The following NCKAP1 variants were observed in gnomAD, a reference collection of about 807,000 sequenced individuals.
NCKAP1 encodes the protein NCK associated protein 1, also known as nck-associated protein 1.
NCKAP1 carries 21 observed loss-of-function variants against 151.2 expected under a neutral mutation model. That is an observed-to-expected ratio of 0.14 (90% CI 0.10 to 0.20). NCKAP1 has a LOEUF of 0.20. NCKAP1 is among the 10% of genes least tolerant of loss of function. The pLI, the probability that NCKAP1 is intolerant of heterozygous loss-of-function variation, is 1.00. For missense variants in NCKAP1, 933 were observed against 1,352.1 expected, an observed-to-expected ratio of 0.69 and a Z score of 4.86; for synonymous variants, 484 against 451.8, an observed-to-expected ratio of 1.07 and a Z score of -0.90.
chr2:183,009,539 T>C (rs1300112586), intron 2 of NCKAP1, among the ~76,000 whole-genome samples: 1 of 152,126 alleles, frequency 6.6e-6, no homozygotes, highest in Non-Finnish European at 1.5e-5. Context: ...TAGTAAAATA[T>C]GCATTACTGA....
intron 2 of NCKAP1, chr2:183,022,981 T>C (rs1698823390): frequency 6.6e-6 from 1 of 152,154 alleles, no homozygotes; most frequent in Non-Finnish European, 1.5e-5. Flanking sequence ...TGACGATATA[T>C]CTTTTCAACA....
chr2:182,970,151 G>A (rs1697657352), intron 15 of NCKAP1, among the ~76,000 whole-genome samples: 1 of 152,292 alleles, frequency 6.6e-6, no homozygotes, highest in South Asian at 2.1e-4. Context: ...CCTGGGACCT[G>A]ATGGTTTCAC....
At position 183,002,212 on chromosome 2, in the gene NCKAP1, G is replaced by A. The variant is rs747119076; in HGVS notation, c.427C>T (p.Leu143=). The change falls in exon 5 of 31, where the codon CTA becomes TTA. Residue 143 remains leucine, a synonymous_variant. Coordinates refer to ENST00000361354, the MANE Select transcript of NCKAP1 (RefSeq NM_013436.5). ...TCAATTCGAGACAGCAGTATCATTA[G>A]TGTTGTATAGGTTATAATTAAATCT... is the stretch of plus-strand genomic sequence containing the variant. ...YLDLIITYTT[L]MILLSRIEER... is the part of the protein sequence containing the mutation. The A allele has an allele frequency of 5.7e-6, 9 of 1,574,700 alleles. No individual in the cohort carries two copies. Among genetic ancestry groups the A allele is most frequent in the Non-Finnish European group, 7.9e-6 (9 of 1,144,600 alleles).
rs1320753839 is a variant in NCKAP1 at position 182,975,607 on chromosome 2, AT to A, written c.1482+1285del. 2.6e-5 allele frequency among the ~76,000 whole-genome samples: 4 copies of A among 152,246 alleles called. No individual in the cohort carries two copies. In the East Asian group the frequency reaches 7.7e-4, roughly 29 times the overall value. The stretch of plus-strand genomic sequence containing the variant: ...AAACAAATAGAAATTTTATTTATTT[AT>A]TTTTAACAGCAAAACAGGCCAGGCA... On this transcript the variant is annotated intron_variant, in intron 15 of 30. Transcript: ENST00000361354.
At chr2:183,004,499 A>G (rs1465277228) in intron 2 of NCKAP1, among the ~76,000 whole-genome samples, 1 of 151,572 alleles carries the variant, frequency 6.6e-6, no homozygotes, top group Non-Finnish European at 1.5e-5. Flanking sequence ...AAAAAAAAAA[A>G]AAAAAAAACA....
At position 183,023,934 on chromosome 2, in the gene NCKAP1, T is replaced by C. The variant is rs1553518597; in HGVS notation, c.109-18A>G. On this transcript the variant is annotated intron_variant, in intron 1 of 30. Transcript: ENST00000361354. Reference sequence around the variant, plus strand: ...CCACATGCCTATAAAACAACAGTAATAAAAAAAAGTGAAATGCACCCTTCT... The same window carrying C: ...CCACATGCCTATAAAACAACAGTAACAAAAAAAAGTGAAATGCACCCTTCT... 5 of 1,514,144 alleles carry C rather than the reference T, an allele frequency of 3.3e-6. No individual in the cohort carries two copies. The East Asian group carries it at 6.9e-5, about 21-fold the overall frequency. 93.8% of individuals were successfully genotyped at this position (1,514,144 alleles called of 1,614,324 possible). A position where few individuals can be genotyped will look rare whatever the true frequency, so the allele number is the denominator to read the frequency against.
At chr2:183,035,827 AGAG>A (rs1295670814) in intron 1 of NCKAP1, among the ~76,000 whole-genome samples, 1 of 152,176 alleles carries the variant, frequency 6.6e-6, no homozygotes, top group Non-Finnish European at 1.5e-5. Flanking sequence ...GTTTTGAGAG[AGAG>A]GAGGGAAGTA....
At chr2:182,971,877 T>C (rs1408718711) in intron 15 of NCKAP1, among the ~76,000 whole-genome samples, 1 of 152,100 alleles carries the variant, frequency 6.6e-6, no homozygotes, top group Non-Finnish European at 1.5e-5. Context: ...GGAATGAAAC[T>C]AGACCTCTAT....
At chr2:183,026,454 C>G (rs111925117) in intron 1 of NCKAP1, among the ~76,000 whole-genome samples, 1 of 144,146 alleles carries the variant, frequency 6.9e-6, no homozygotes, top group Non-Finnish European at 1.5e-5. Context: ...GCCTGAGCCA[C>G]AGAGTGAAGC....
chr2:182,969,576 A>T (rs1697644430), intron 15 of NCKAP1, among the ~76,000 whole-genome samples: 1 of 152,090 alleles, frequency 6.6e-6, no homozygotes, highest in South Asian at 2.1e-4. Context: ...GAAATTAAGG[A>T]AATAAAACAT....
chr2:182,991,581 T>C (rs940031609), intron 8 of NCKAP1, among the ~76,000 whole-genome samples: 2 of 151,000 alleles, frequency 1.3e-5, no homozygotes, highest in Non-Finnish European at 3.0e-5. Context: ...TAAAATAAAA[T>C]AGATTGCCCA....
chr2:182,984,457 A>G (rs1398075330), intron 10 of NCKAP1, among the ~76,000 whole-genome samples: 1 of 133,148 alleles, frequency 7.5e-6, no homozygotes, highest in Non-Finnish European at 1.8e-5. Flanking sequence ...TGTGTTGCCT[A>G]TGCCAAAAAC....
intron 23 of NCKAP1, among the ~76,000 whole-genome samples, chr2:182,945,422 C>A (rs1026798343): frequency 1.3e-5 from 2 of 151,556 alleles, no homozygotes; most frequent in Non-Finnish European, 2.9e-5. Context: ...GAAAAAAAAA[C>A]CAGCAAAGAA....
intron 8 of NCKAP1, 103 bp downstream of exon 8, chr2:182,994,736 T>C: frequency 1.1e-6 from 1 of 899,744 alleles, no homozygotes; most frequent in Non-Finnish European, 1.8e-6. Flanking sequence ...CATAGATGGG[T>C]TAGCACAATG....
rs552655359 is a variant in NCKAP1 at position 183,020,368 on chromosome 2, G to T, written c.219+3438C>A. Among the ~76,000 whole-genome samples, 29 of 151,332 alleles carry T rather than the reference G, an allele frequency of 1.9e-4. No individual in the cohort carries two copies. In the East Asian group the frequency reaches 5.0e-3, roughly 26 times the overall value. On this transcript the variant is annotated intron_variant, in intron 2 of 30. Transcript: ENST00000361354. ...TAGTTCCAACTACTTGGGAGGCTGA[G>T]GCAGAAGGATTGATTGAGACCAGGA...
chr2:182,961,470 A>C (rs1177457136), intron 18 of NCKAP1, among the ~76,000 whole-genome samples: 1 of 152,218 alleles, frequency 6.6e-6, no homozygotes, highest in African/African-American at 2.4e-5. Context: ...TCAGCAAACT[A>C]TCGCAAGGAC....
chr2:183,038,247 C>A lies in NCKAP1; in HGVS notation c.-148G>T, dbSNP rs915953132. ...CGCCCATGGCCCTCGCGCCCCAATCCCGCGCCGGCGACAGAGCGAGCCGCG... is the reference window on the plus strand; with the variant it reads ...CGCCCATGGCCCTCGCGCCCCAATCACGCGCCGGCGACAGAGCGAGCCGCG... On this transcript the variant is annotated 5_prime_UTR_variant, in exon 1 of 31. Coordinates refer to ENST00000361354, the MANE Select transcript of NCKAP1 (RefSeq NM_013436.5). The A allele has an allele frequency of 1.1e-5, 5 of 473,594 alleles. No homozygotes were observed. Among genetic ancestry groups the A allele is most frequent in the African/African-American group, 1.0e-4 (5 of 48,636 alleles). The allele number at this position is 473,594 out of a possible 1,614,324, so 29.3% of individuals were successfully genotyped here.
Position 182,910,708 on chromosome 2 carries a change from T to C in NCKAP1, c.*14994A>G, listed in dbSNP as rs1325135260. On this transcript the variant is annotated 3_prime_UTR_variant, in exon 31 of 31. Coordinates refer to ENST00000361354, the MANE Select transcript of NCKAP1 (RefSeq NM_013436.5). ...TGGAAAGGGGTCCTCAGCACCCTCATAGGTCATGCATCCTCAAAACCTTTT... is the reference window on the plus strand; with the variant it reads ...TGGAAAGGGGTCCTCAGCACCCTCACAGGTCATGCATCCTCAAAACCTTTT... The C allele has an allele frequency of 2.0e-5, 3 of 152,284 alleles. No individual in the cohort carries two copies. Among genetic ancestry groups the C allele is most frequent in the Non-Finnish European group, 2.9e-5 (2 of 68,040 alleles). The allele number at this position is 152,284 out of a possible 1,614,324, so 9.4% of individuals were successfully genotyped here.
intron 26 of NCKAP1, among the ~76,000 whole-genome samples, chr2:182,933,507 C>T (rs35368327): frequency 0.082 from 12,330 of 151,054 alleles, 629 homozygotes; most frequent in Middle Eastern, 0.15. Context: ...GATTCTCCTG[C>T]CTCACCCTCC....
Sources: allele counts gnomAD v4.1 joint callset (sites outside exome capture counted in the v4.1 genomes callset), GRCh38; gene constraint gnomAD v4.1.1; transcripts MANE v1.5; gene names NCBI Gene and HGNC (gene_info 2026-07-23, HGNC 2026-07-21).